The following PALLD variants were observed in gnomAD, a reference collection of about 807,000 sequenced individuals.
PALLD encodes palladin.
PALLD carries 61 observed loss-of-function variants against 123.5 expected under a neutral mutation model. The ratio of observed to expected loss-of-function variants is 0.49; its 90% confidence interval spans 0.40 to 0.61. The LOEUF (loss-of-function observed/expected upper bound fraction) is 0.61, where lower values mean the gene tolerates loss of function less well. Among genes scored for constraint, PALLD ranks in the 20% least tolerant of loss-of-function variants. The pLI is 0.00. For missense variants in PALLD, 1,273 were observed against 1,377.0 expected (o/e 0.92, Z 1.20); for synonymous variants, 465 against 496.4 (o/e 0.94, Z 0.84).
intron 10 of PALLD, among the ~76,000 whole-genome samples, chr4:168,773,311 T>G (rs1200293091): frequency 6.6e-6 from 1 of 152,210 alleles, no homozygotes; most frequent in Non-Finnish European, 1.5e-5. Context: ...AAACACACTC[T>G]GAACAGATTT....
intron 10 of PALLD, among the ~76,000 whole-genome samples, chr4:168,870,204 C>T (rs1719576079): frequency 6.6e-6 from 1 of 152,172 alleles, no homozygotes; most frequent in African/African-American, 2.4e-5. Context: ...AAATAGTTTC[C>T]ATGTTTCCTT....
intron 10 of PALLD, among the ~76,000 whole-genome samples, chr4:168,741,542 C>T (rs769310549): frequency 2.0e-5 from 3 of 151,874 alleles, no homozygotes; most frequent in Admixed American, 6.6e-5. Context: ...TAAAAGTAGC[C>T]GGCATGGTGG....
intron 10 of PALLD, among the ~76,000 whole-genome samples, chr4:168,732,671 C>G (rs1787295779): frequency 6.6e-6 from 1 of 152,152 alleles, no homozygotes; most frequent in Non-Finnish European, 1.5e-5. Flanking sequence ...GAATTTCTTT[C>G]TTTTCTAATC....
chr4:168,752,518 T>A (rs1731195739), intron 10 of PALLD, among the ~76,000 whole-genome samples: 1 of 152,228 alleles, frequency 6.6e-6, no homozygotes, highest in South Asian at 2.1e-4. Flanking sequence ...GGCCAAGGTG[T>A]TTATGCAGGA....
intron 15 of PALLD, among the ~76,000 whole-genome samples, chr4:168,911,169 G>T (rs1758869093): frequency 6.6e-6 from 1 of 152,140 alleles, no homozygotes. Context: ...AGAAACAAAG[G>T]CTTGAACAAA....
rs183389650 is a variant in PALLD at position 168,913,608 on chromosome 4, T to C, written c.2623-319T>C. 2.8e-4 allele frequency among the ~76,000 whole-genome samples: 42 copies of C among 152,178 alleles called. 1 individual carries two copies. In the East Asian group the frequency reaches 7.1e-3, roughly 26 times the overall value. ...TGCTATATTTTACAATTCAACATCA[T>C]GTGTTACGGAGACCTTTGCAGGTTA... is the stretch of plus-strand genomic sequence containing the variant. On this transcript the variant is annotated intron_variant, in intron 15 of 21. Coordinates refer to ENST00000505667, the MANE Select transcript of PALLD (RefSeq NM_001166108.2).
At chr4:168,555,080 C>T (rs929713549) in intron 2 of PALLD, among the ~76,000 whole-genome samples, 1 of 152,054 alleles carries the variant, frequency 6.6e-6, no homozygotes, top group Middle Eastern at 3.2e-3. Flanking sequence ...ACAAAATATT[C>T]AATTTTATTG....
At chr4:168,867,906 GA>G (rs531178016) in intron 10 of PALLD, among the ~76,000 whole-genome samples, 1,718 of 110,044 alleles carry the variant, frequency 0.016, 24 homozygotes, top group South Asian at 0.049. Flanking sequence ...TAAGTGAAGA[GA>G]AAAAAAAAAA....
intron 2 of PALLD, among the ~76,000 whole-genome samples, chr4:168,525,408 T>G (rs1442882234): frequency 6.6e-6 from 1 of 152,226 alleles, no homozygotes; most frequent in South Asian, 2.1e-4. Context: ...GAGATTCCTC[T>G]GCCCACAGTA....
chr4:168,868,475 T>TA, intron 10 of PALLD, among the ~76,000 whole-genome samples: 1 of 152,220 alleles, frequency 6.6e-6, no homozygotes, highest in East Asian at 1.9e-4. Flanking sequence ...TAAGAATGCT[T>TA]ACTGCCACAC....
At chr4:168,674,289 A>T (rs1281798817) in intron 3 of PALLD, among the ~76,000 whole-genome samples, 1 of 152,174 alleles carries the variant, frequency 6.6e-6, no homozygotes, top group South Asian at 2.1e-4. Context: ...AAATATAAAC[A>T]TAGATGTCTA....
At chr4:168,767,976 G>A (rs775339025) in intron 10 of PALLD, among the ~76,000 whole-genome samples, 7 of 151,954 alleles carry the variant, frequency 4.6e-5, no homozygotes, top group Non-Finnish European at 1.0e-4. Context: ...ACCCACCATG[G>A]TTCAGACTTC....
At chr4:168,657,653 C>T (rs529038642) in intron 2 of PALLD, among the ~76,000 whole-genome samples, 5 of 152,186 alleles carry the variant, frequency 3.3e-5, no homozygotes, top group Non-Finnish European at 5.9e-5. Context: ...GACAAGCAAG[C>T]GGGAAGCTTG....
At chr4:168,794,999 T>C (rs1009312886) in intron 10 of PALLD, among the ~76,000 whole-genome samples, 12 of 152,086 alleles carry the variant, frequency 7.9e-5, no homozygotes, top group Non-Finnish European at 1.5e-4. Context: ...TTGGTGAGGG[T>C]TGGCTTCCTG....
chr4:168,735,871 A>G (rs1787695946), intron 10 of PALLD, among the ~76,000 whole-genome samples: 1 of 151,904 alleles, frequency 6.6e-6, no homozygotes, highest in South Asian at 2.1e-4. Flanking sequence ...CTGTTCCTCT[A>G]CCTCCCACAT....
chr4:168,924,205 G>A (rs1407047817), intron 18 of PALLD, 50 bp from the exon 19 acceptor site: 2 of 1,521,188 alleles, frequency 1.3e-6, no homozygotes, highest in Admixed American at 1.7e-5. Context: ...ATTCTTTCTA[G>A]TGCTCCTTTT....
At chr4:168,690,804 A>G (rs1361577805) in intron 7 of PALLD, 60 bp downstream of exon 7, 8 of 1,538,716 alleles carry the variant, frequency 5.2e-6, no homozygotes, top group Middle Eastern at 1.7e-4. Context: ...GCTTCAAGAA[A>G]ACCAAGAAGG....
intron 10 of PALLD, among the ~76,000 whole-genome samples, chr4:168,762,192 G>A (rs775481124): frequency 1.3e-5 from 2 of 151,996 alleles, no homozygotes; most frequent in African/African-American, 2.4e-5. Flanking sequence ...TGCCATTCTC[G>A]GCTGGGCGCA....
chr4:168,606,495 A>G (rs1773184595), intron 2 of PALLD, among the ~76,000 whole-genome samples: 1 of 152,082 alleles, frequency 6.6e-6, no homozygotes, highest in African/African-American at 2.4e-5. Flanking sequence ...TAACACGGTG[A>G]AACCCCGTCT....
Sources: gnomAD v4.1 joint callset for allele counts (sites outside exome capture counted in the v4.1 genomes callset) on GRCh38, gnomAD v4.1.1 for gene constraint, MANE v1.5 for transcripts, NCBI Gene and HGNC (gene_info 2026-07-23, HGNC 2026-07-21) for gene names.